Variants in SLC44A5 observed in about 807,000 individuals in gnomAD.
The protein encoded by SLC44A5 is choline transporter-like protein 5.
A neutral mutation model predicts 101.8 loss-of-function variants in SLC44A5; 57 were observed. The observed-to-expected ratio is 0.56, with a 90% CI of 0.45 to 0.70. The LOEUF is 0.70. Ranked by LOEUF, SLC44A5 falls within the 30% of genes least tolerant of loss-of-function variation. The probability of loss-of-function intolerance (pLI) is 0.00; values close to 1 mark genes in which losing one functional copy is unlikely to be tolerated. For synonymous variants in SLC44A5, 281 were observed against 290.9 expected, an observed-to-expected ratio of 0.97 and a Z score of 0.35; for missense variants, 737 against 853.1, an observed-to-expected ratio of 0.86 and a Z score of 1.70.
At chr1:75,276,913 A>G (rs1016962308) in intron 5 of SLC44A5, among the ~76,000 whole-genome samples, 1 of 152,130 alleles carries the variant, frequency 6.6e-6, no homozygotes, top group Non-Finnish European at 1.5e-5. Flanking sequence ...GTCTGTCAGT[A>G]GGAATTGTAA....
chr1:75,402,958 G>C (rs2165950), intron 2 of SLC44A5, among the ~76,000 whole-genome samples: 39,024 of 152,066 alleles, frequency 0.26, 5,377 homozygotes, highest in African/African-American at 0.35. Flanking sequence ...CGAAATTCTC[G>C]CTGACAGCAC....
At chr1:75,277,684 G>C (rs548190640) in intron 5 of SLC44A5, among the ~76,000 whole-genome samples, 24 of 151,450 alleles carry the variant, frequency 1.6e-4, no homozygotes, top group Non-Finnish European at 2.7e-4. Context: ...TGTGGCAGGG[G>C]GAGAAGGAGC....
chr1:75,387,143 G>A (rs1661417918), intron 3 of SLC44A5, among the ~76,000 whole-genome samples: 1 of 152,124 alleles, frequency 6.6e-6, no homozygotes, highest in Non-Finnish European at 1.5e-5. Context: ...TCAGGACATA[G>A]GCTTGTGCAA....
At chr1:75,418,110 A>G (rs1663774337) in intron 2 of SLC44A5, among the ~76,000 whole-genome samples, 1 of 152,162 alleles carries the variant, frequency 6.6e-6, no homozygotes, top group Non-Finnish European at 1.5e-5. Flanking sequence ...TTTTCTTATA[A>G]TTGTATGTTT....
At chr1:75,498,894 G>A (rs569123967) in intron 2 of SLC44A5, among the ~76,000 whole-genome samples, 38 of 152,306 alleles carry the variant, frequency 2.5e-4, no homozygotes, top group African/African-American at 8.9e-4. Context: ...GGTTTACCTA[G>A]TGTTTTGTCT....
intron 2 of SLC44A5, among the ~76,000 whole-genome samples, chr1:75,421,397 C>A (rs1663995549): frequency 6.6e-6 from 1 of 151,972 alleles, no homozygotes; most frequent in African/African-American, 2.4e-5. Context: ...AAGATACTGA[C>A]TAGTTAGAGA....
intron 3 of SLC44A5, among the ~76,000 whole-genome samples, chr1:75,376,283 C>T (rs971848514): frequency 2.6e-4 from 39 of 152,246 alleles, no homozygotes; most frequent in African/African-American, 7.2e-4. Context: ...ATTGCCCAGG[C>T]TTGCCTAGGT....
the SLC44A5 span, among the ~76,000 whole-genome samples, chr1:75,719,768 T>C: frequency 6.6e-6 from 1 of 152,204 alleles, no homozygotes; most frequent in Non-Finnish European, 1.5e-5. Flanking sequence ...ACTAAAGTCA[T>C]AGTATTCTGA....
At chr1:75,296,140 G>A (rs999123703) in intron 5 of SLC44A5, among the ~76,000 whole-genome samples, 5 of 152,046 alleles carry the variant, frequency 3.3e-5, no homozygotes, top group African/African-American at 1.2e-4. Flanking sequence ...AAGCCATGAT[G>A]CCATTCCTTT....
At chr1:75,244,797 T>C (rs1026933885) in intron 7 of SLC44A5, among the ~76,000 whole-genome samples, 2 of 152,090 alleles carry the variant, frequency 1.3e-5, no homozygotes, top group East Asian at 1.9e-4. Flanking sequence ...GTTTTGCTTT[T>C]TTTTACAATA....
intron 23 of SLC44A5, among the ~76,000 whole-genome samples, chr1:75,209,737 C>T (rs1646817125): frequency 6.6e-6 from 1 of 152,168 alleles, no homozygotes; most frequent in African/African-American, 2.4e-5. Context: ...TATCGTCTCT[C>T]TTGATCCCAG....
At chr1:75,227,287 T>C (rs769417182) in intron 13 of SLC44A5, among the ~76,000 whole-genome samples, 4 of 151,942 alleles carry the variant, frequency 2.6e-5, no homozygotes, top group African/African-American at 4.8e-5. Context: ...ATTGCTTGAG[T>C]TTGGGAGGTC....
chr1:75,301,525 A>G (rs1654448024), intron 4 of SLC44A5, among the ~76,000 whole-genome samples: 1 of 152,236 alleles, frequency 6.6e-6, no homozygotes, highest in Admixed American at 6.5e-5. Context: ...GACAGAATTA[A>G]AAGTTGCACA....
intron 2 of SLC44A5, among the ~76,000 whole-genome samples, chr1:75,447,118 G>A (rs907939067): frequency 6.6e-6 from 1 of 152,156 alleles, no homozygotes; most frequent in Non-Finnish European, 1.5e-5. Flanking sequence ...GAAAGCTTTT[G>A]TTAATCAATG....
chr1:75,350,985 T>C (rs1168541756), intron 3 of SLC44A5, among the ~76,000 whole-genome samples: 1 of 151,102 alleles, frequency 6.6e-6, no homozygotes, highest in Non-Finnish European at 1.5e-5. Flanking sequence ...AAGGAATGAG[T>C]TGAAGTTGAT....
rs1026972344 is a variant in SLC44A5 at position 75,325,188 on chromosome 1, G to A, written c.101+14394C>T. Among the ~76,000 whole-genome samples, 8 of 152,280 alleles carry A rather than the reference G, an allele frequency of 5.3e-5. No homozygotes were observed. In the South Asian group the frequency reaches 1.2e-3, roughly 24 times the overall value. ...ATGGAGTAACTGAGGCTGAGTTGAA[G>A]AGGGAACATGTGGACTTGACCTTCA... is the stretch of plus-strand genomic sequence containing the variant. On this transcript the variant is annotated intron_variant, in intron 4 of 23. Coordinates refer to ENST00000370859, the MANE Select transcript of SLC44A5 (RefSeq NM_001130058.2).
chr1:75,578,419 A>G (rs913843543), intron 1 of SLC44A5, among the ~76,000 whole-genome samples: 6 of 152,192 alleles, frequency 3.9e-5, no homozygotes, highest in Non-Finnish European at 8.8e-5. Context: ...ATAGAGATAG[A>G]CAGATGATTG....
At chr1:75,644,374 ATT>A in the SLC44A5 span, among the ~76,000 whole-genome samples, 1 of 41,868 alleles carries the variant, frequency 2.4e-5, no homozygotes, top group Non-Finnish European at 4.1e-5. Flanking sequence ...ACAAGGGATC[ATT>A]CAGAGAAACA....
At chr1:75,518,310 G>A (rs12057382) in intron 2 of SLC44A5, among the ~76,000 whole-genome samples, 20,648 of 152,162 alleles carry the variant, frequency 0.14, 1,538 homozygotes, top group African/African-American at 0.16. Flanking sequence ...TAAGAATACA[G>A]TTCCAATTAT....
Sources: allele counts gnomAD v4.1 joint callset (sites outside exome capture counted in the v4.1 genomes callset), GRCh38; gene constraint gnomAD v4.1.1; transcripts MANE v1.5; gene names NCBI Gene and HGNC (gene_info 2026-07-23, HGNC 2026-07-21).